OPCML: variants seen among roughly 807,000 people sequenced by gnomAD.
The protein encoded by OPCML is opioid binding protein/cell adhesion molecule like.
Under a neutral mutation model 37.8 loss-of-function variants are expected in OPCML, and 13 were observed. That is an observed-to-expected ratio of 0.34 (90% CI 0.22 to 0.55). The LOEUF (loss-of-function observed/expected upper bound fraction) is 0.55, where lower values mean the gene tolerates loss of function less well. Among genes scored for constraint, OPCML ranks in the 20% least tolerant of loss-of-function variants. OPCML has a pLI of 0.91. For synonymous variants in OPCML, 176 were observed against 168.8 expected, an observed-to-expected ratio of 1.04 and a Z score of -0.33; for missense variants, 341 against 435.6, an observed-to-expected ratio of 0.78 and a Z score of 1.93.
chr11:132,779,744 G>A (rs1392795712), intron 2 of OPCML, among the ~76,000 whole-genome samples: 1 of 152,100 alleles, frequency 6.6e-6, no homozygotes, highest in Non-Finnish European at 1.5e-5. Context: ...AATACAAATA[G>A]GGAGCAGTGG....
rs571056695 is a variant in OPCML, at chr11:133,326,594, G to A, written c.61+205670C>T. ...TGTCGGTGTGTGTATGTGGGTGTTG[G>A]GTTGTGGGTATATGTGTGTACAGAG... On this transcript the variant is annotated intron_variant, in intron 1 of 7. Transcript: ENST00000524381. Among the ~76,000 whole-genome samples, 9 of 144,608 alleles carry A rather than the reference G, an allele frequency of 6.2e-5. No homozygotes were observed. In the South Asian group the frequency reaches 2.1e-3, roughly 34 times the overall value. 94.9% of individuals were successfully genotyped at this position (144,608 alleles called of 152,430 possible). A position where few individuals can be genotyped will look rare whatever the true frequency, so the allele number is the denominator to read the frequency against.
At chr11:133,390,970 T>A (rs1592258851) in intron 1 of OPCML, among the ~76,000 whole-genome samples, 1 of 152,326 alleles carries the variant, frequency 6.6e-6, no homozygotes, top group East Asian at 1.9e-4. Flanking sequence ...GATGCTTATG[T>A]GCAGCTTAAA....
chr11:132,445,711 C>T (rs981739656), intron 4 of OPCML, among the ~76,000 whole-genome samples: 2 of 152,178 alleles, frequency 1.3e-5, no homozygotes, highest in Non-Finnish European at 2.9e-5. Context: ...CTCTAATGTA[C>T]AGTCAGGGGT....
chr11:132,423,505 A>G (rs557178169), intron 7 of OPCML, among the ~76,000 whole-genome samples: 13 of 152,324 alleles, frequency 8.5e-5, no homozygotes, highest in Non-Finnish European at 1.8e-4. Flanking sequence ...TGGAGCTGGT[A>G]CATCTATGTA....
At chr11:133,051,404 C>T (rs1948129107) in intron 1 of OPCML, among the ~76,000 whole-genome samples, 1 of 151,930 alleles carries the variant, frequency 6.6e-6, no homozygotes, top group African/African-American at 2.4e-5. Flanking sequence ...TGCACCCAGA[C>T]ATTCCAGGGC....
intron 1 of OPCML, among the ~76,000 whole-genome samples, chr11:133,052,345 C>T (rs1948147331): frequency 1.3e-5 from 2 of 152,182 alleles, no homozygotes; most frequent in Non-Finnish European, 2.9e-5. Flanking sequence ...ATTCAATAAA[C>T]ATATTTTTTA....
intron 1 of OPCML, among the ~76,000 whole-genome samples, chr11:133,295,935 A>G (rs1942618393): frequency 6.6e-6 from 1 of 152,252 alleles, no homozygotes; most frequent in Non-Finnish European, 1.5e-5. Flanking sequence ...CGAATATAAC[A>G]TCTGCCAGAT....
chr11:133,382,615 C>T (rs778861997), intron 1 of OPCML, among the ~76,000 whole-genome samples: 1 of 152,200 alleles, frequency 6.6e-6, no homozygotes, highest in African/African-American at 2.4e-5. Flanking sequence ...AACCCAGTGC[C>T]GGGCTGACTA....
intron 2 of OPCML, among the ~76,000 whole-genome samples, chr11:132,754,364 T>C (rs1044363379): frequency 4.6e-5 from 7 of 152,114 alleles, no homozygotes; most frequent in African/African-American, 1.7e-4. Flanking sequence ...TCTCACAAGA[T>C]CTGACGGTTT....
chr11:132,728,403 T>C (rs548672736), intron 2 of OPCML, among the ~76,000 whole-genome samples: 3 of 152,258 alleles, frequency 2.0e-5, no homozygotes, highest in Non-Finnish European at 4.4e-5. Context: ...TGTGCAGAGC[T>C]GCAAGAAGAG....
chr11:133,020,098 C>A (rs555721931), intron 1 of OPCML, among the ~76,000 whole-genome samples: 5 of 152,208 alleles, frequency 3.3e-5, no homozygotes, highest in Non-Finnish European at 5.9e-5. Flanking sequence ...TCTAGCTCGC[C>A]AGAGCTAATG....
At chr11:132,695,961 G>A (rs1943585112) in intron 2 of OPCML, among the ~76,000 whole-genome samples, 1 of 152,074 alleles carries the variant, frequency 6.6e-6, no homozygotes, top group South Asian at 2.1e-4. Flanking sequence ...ATGAGCAGTG[G>A]GGCCAACAAC....
At chr11:133,314,036 C>A (rs7930036) in intron 1 of OPCML, among the ~76,000 whole-genome samples, 72,539 of 150,192 alleles carry the variant, frequency 0.48, 20,014 homozygotes, top group East Asian at 0.76. Context: ...GAGATCGAGA[C>A]CATCCCGGCT....
chr11:132,492,693 T>G (rs1279490463), intron 4 of OPCML, among the ~76,000 whole-genome samples: 1 of 152,094 alleles, frequency 6.6e-6, no homozygotes, highest in Non-Finnish European at 1.5e-5. Flanking sequence ...GAGGAGAGGT[T>G]TGAGCATCAT....
chr11:133,441,339 C>A, intron 1 of OPCML, among the ~76,000 whole-genome samples: 1 of 151,840 alleles, frequency 6.6e-6, no homozygotes, highest in Non-Finnish European at 1.5e-5. Flanking sequence ...AACAATTGGA[C>A]TATTGACACA....
intron 3 of OPCML, among the ~76,000 whole-genome samples, chr11:132,623,241 G>T (rs906646945): frequency 6.6e-6 from 1 of 152,062 alleles, no homozygotes; most frequent in Non-Finnish European, 1.5e-5. Context: ...ATTAAGAAGT[G>T]TGACTACCTA....
At chr11:133,260,469 G>A (rs771983777) in intron 1 of OPCML, among the ~76,000 whole-genome samples, 9 of 152,090 alleles carry the variant, frequency 5.9e-5, no homozygotes, top group East Asian at 1.9e-4. Context: ...TGATAAGGAC[G>A]TACAGTCCTC....
chr11:132,667,438 C>G (rs1461091016), intron 2 of OPCML, among the ~76,000 whole-genome samples: 12 of 152,118 alleles, frequency 7.9e-5, no homozygotes. Context: ...CTGCATGAGA[C>G]AAGGACCAGG....
At chr11:132,859,136 G>T (rs1383835551) in intron 2 of OPCML, 1 of 152,190 alleles carries the variant, frequency 6.6e-6, no homozygotes, top group Non-Finnish European at 1.5e-5. Flanking sequence ...TGGACTTTTT[G>T]TGATTTAAAA....
Sources: allele counts gnomAD v4.1 joint callset (sites outside exome capture counted in the v4.1 genomes callset), GRCh38; gene constraint gnomAD v4.1.1; transcripts MANE v1.5; gene names NCBI Gene and HGNC (gene_info 2026-07-23, HGNC 2026-07-21).